The following CYRIB variants were observed in gnomAD, a reference collection of about 807,000 sequenced individuals.
CYRIB encodes the protein CYFIP related Rac1 interactor B, also known as CYFIP-related Rac1 interactor B.
Under a neutral mutation model 44.2 loss-of-function variants are expected in CYRIB, and 8 were observed. The observed-to-expected ratio is 0.18, with a 90% CI of 0.11 to 0.33. CYRIB has a LOEUF of 0.33. CYRIB is among the 10% of genes least tolerant of loss of function. The probability of loss-of-function intolerance (pLI) is 1.00; values close to 1 mark genes in which losing one functional copy is unlikely to be tolerated. For synonymous variants in CYRIB, 131 were observed against 127.2 expected (o/e 1.03, Z -0.20); for missense variants, 185 against 382.8 (o/e 0.48, Z 4.31).
chr8:129,842,594 C>T (rs1194339743), intron 11 of CYRIB, among the ~76,000 whole-genome samples: 1 of 152,056 alleles, frequency 6.6e-6, no homozygotes, highest in African/African-American at 2.4e-5. Flanking sequence ...TATTTTTTAA[C>T]CTTTTGGATG....
intron 1 of CYRIB, among the ~76,000 whole-genome samples, chr8:129,999,524 A>G (rs2096860240): frequency 6.6e-6 from 1 of 152,080 alleles, no homozygotes. Flanking sequence ...ACAGGCCCCA[A>G]CTCCTCCCAG....
At chr8:129,842,324 C>T (rs1358432270) in intron 11 of CYRIB, 119 bp from the exon 14 acceptor site, 1 of 697,756 alleles carries the variant, frequency 1.4e-6, no homozygotes, top group Non-Finnish European at 2.5e-6. Flanking sequence ...ATTATGGCTT[C>T]TCATTGTAGC....
At chr8:130,001,491 T>C (rs2096905609) in intron 1 of CYRIB, among the ~76,000 whole-genome samples, 1 of 151,416 alleles carries the variant, frequency 6.6e-6, no homozygotes, top group South Asian at 2.1e-4. Flanking sequence ...CGTCAGTGGC[T>C]CTCATTCATC....
At chr8:129,987,561 T>C (rs2096502111) in intron 1 of CYRIB, among the ~76,000 whole-genome samples, 3 of 88,606 alleles carry the variant, frequency 3.4e-5, no homozygotes, top group South Asian at 2.9e-4. Flanking sequence ...CTTGTCTTTT[T>C]TTTTTTCTTT....
intron 2 of CYRIB, among the ~76,000 whole-genome samples, chr8:129,964,791 G>A (rs1409094516): frequency 6.6e-6 from 1 of 152,214 alleles, no homozygotes; most frequent in African/African-American, 2.4e-5. Flanking sequence ...GGCTGAGCCT[G>A]GGAGGTCGAG....
chr8:129,986,184 G>T (rs1329993764), intron 1 of CYRIB, among the ~76,000 whole-genome samples: 1 of 152,174 alleles, frequency 6.6e-6, no homozygotes, highest in Non-Finnish European at 1.5e-5. Flanking sequence ...AAATTCTGGG[G>T]GATTCAGAAG....
chr8:129,972,861 CT>C (rs1273048475), intron 1 of CYRIB, among the ~76,000 whole-genome samples: 1 of 152,184 alleles, frequency 6.6e-6, no homozygotes, highest in African/African-American at 2.4e-5. Flanking sequence ...AGTGTGGCTT[CT>C]TTTCATTTCC....
intron 1 of CYRIB, among the ~76,000 whole-genome samples, chr8:129,994,516 C>T (rs1473859528): frequency 4.6e-5 from 7 of 152,116 alleles, no homozygotes; most frequent in Non-Finnish European, 8.8e-5. Flanking sequence ...GGAACTGAAC[C>T]GCAGAAGCCT....
chr8:129,865,753 G>A (rs995079987), intron 4 of CYRIB, among the ~76,000 whole-genome samples: 11 of 152,222 alleles, frequency 7.2e-5, no homozygotes, highest in East Asian at 1.9e-4. Flanking sequence ...TTACACTGGC[G>A]TATTGTGAAA....
In CYRIB at chr8:129,964,436, C is replaced by A. The variant is rs144513604; in HGVS notation, c.-243+6507G>T. Among the ~76,000 whole-genome samples, 601 of 152,250 alleles carry A rather than the reference C, an allele frequency of 3.9e-3. 4 individuals carry two copies. Among genetic ancestry groups the A allele is most frequent in the African/African-American group, 0.013 (531 of 41,548 alleles). On this transcript the variant is annotated intron_variant, in intron 2 of 14. Coordinates refer to the CYRIB transcript ENST00000401979. ...TGCCAGGGACTAGTGTCAGGAGAGA[C>A]GAAGTTAAGATGCCTCTCAGATAAC...
Position 129,852,292 on chromosome 8 carries a change from A to G in CYRIB, c.517-14T>C, listed in dbSNP as rs1202543733. ...TTCTCCTTCTGCCTGTGGGGAAGGT[A>G]AAAGCACTGGATGTTAGTTCACAAA... On this transcript the variant is annotated splice_polypyrimidine_tract_variant and intron_variant, in intron 7 of 11. Coordinates refer to ENST00000519824, the Ensembl canonical transcript of CYRIB. The G allele has an allele frequency of 2.7e-6, 4 of 1,467,046 alleles. No homozygotes were observed. In the Admixed American group the frequency reaches 8.4e-5, roughly 31 times the overall value. The allele number at this position is 1,467,046 out of a possible 1,614,324, so 90.9% of individuals were successfully genotyped here.
exon 12 of CYRIB, chr8:129,841,482 A>G: frequency 6.5e-6 from 1 of 152,782 alleles, no homozygotes; most frequent in Non-Finnish European, 1.5e-5. Context: ...AGAAAAATGA[A>G]AGCTGATTTT....
rs572134261 is a variant in CYRIB at position 129,869,381 on chromosome 8, C to CAAAAA, written c.195+1989_195+1993dup. On this transcript the variant is annotated intron_variant, in intron 4 of 11. Coordinates refer to ENST00000519824, the Ensembl canonical transcript of CYRIB. ...GGGTGACAAGAGTAAAACTCTGCCT[C>CAAAAA]AAAAAAAAAAAAAAAAAAAAAAATC... 3.4e-4 allele frequency among the ~76,000 whole-genome samples: 25 copies of CAAAAA among 74,068 alleles called. No homozygotes were observed. The South Asian group carries it at 9.6e-3, about 29-fold the overall frequency. The allele number at this position is 74,068 out of a possible 152,430, so 48.6% of individuals were successfully genotyped here.
intron 1 of CYRIB, among the ~76,000 whole-genome samples, chr8:130,002,613 C>T (rs2096933127): frequency 6.6e-6 from 1 of 152,152 alleles, no homozygotes; most frequent in Admixed American, 6.5e-5. Context: ...CCTCTGACAC[C>T]ATTTTGGTCT....
intron 8 of CYRIB, 31 bp from the exon 11 acceptor site, chr8:129,850,945 A>G (rs377757003): frequency 7.6e-5 from 105 of 1,377,734 alleles, no homozygotes; most frequent in Non-Finnish European, 9.9e-5. Flanking sequence ...CAAAAAAAGT[A>G]AAAGTAACAA....
chr8:129,967,701 T>C (rs2095541171), intron 2 of CYRIB, among the ~76,000 whole-genome samples: 1 of 152,130 alleles, frequency 6.6e-6, no homozygotes, highest in Non-Finnish European at 1.5e-5. Context: ...TAAATCACTG[T>C]AAACATTTAC....
intron 1 of CYRIB, among the ~76,000 whole-genome samples, chr8:129,931,161 GAA>G (rs2091161794): frequency 6.9e-6 from 1 of 144,042 alleles, no homozygotes; most frequent in Non-Finnish European, 1.5e-5. Context: ...AAAAAAAAAA[GAA>G]AGAAAGAAAA....
intron 1 of CYRIB, among the ~76,000 whole-genome samples, chr8:129,999,056 C>T (rs539050772): frequency 6.6e-6 from 1 of 152,230 alleles, no homozygotes; most frequent in East Asian, 1.9e-4. Context: ...CTATTCATAG[C>T]CGTCTGTTCC....
chr8:129,881,035 T>C (rs1193747065), intron 2 of CYRIB, among the ~76,000 whole-genome samples: 1 of 152,230 alleles, frequency 6.6e-6, no homozygotes, highest in Non-Finnish European at 1.5e-5. Flanking sequence ...ACTCTTAGAC[T>C]GAATAATCAA....
Sources: gnomAD v4.1 joint callset for allele counts (sites outside exome capture counted in the v4.1 genomes callset) on GRCh38, gnomAD v4.1.1 for gene constraint, MANE v1.5 for transcripts, NCBI Gene and HGNC (gene_info 2026-07-23, HGNC 2026-07-21) for gene names.